The following ARHGAP26 variants were observed in gnomAD, a reference collection of about 807,000 sequenced individuals.
ARHGAP26 encodes the protein rho GTPase-activating protein 26.
Under a neutral mutation model 104.8 loss-of-function variants are expected in ARHGAP26, and 38 were observed. The ratio of observed to expected loss-of-function variants is 0.36; its 90% CI spans 0.28 to 0.48. ARHGAP26 has a LOEUF of 0.48. ARHGAP26 is among the 20% of genes least tolerant of loss of function. ARHGAP26 has a pLI of 0.99. For synonymous variants in ARHGAP26, 341 were observed against 340.0 expected (o/e 1.00, Z -0.03); for missense variants, 704 against 947.9 (o/e 0.74, Z 3.38).
intron 1 of ARHGAP26, among the ~76,000 whole-genome samples, chr5:142,813,095 G>A (rs974801759): frequency 3.3e-5 from 5 of 151,918 alleles, no homozygotes; most frequent in African/African-American, 1.2e-4. Flanking sequence ...CGGCTACCAT[G>A]CCCGGCTAAC....
chr5:143,185,881 A>G (rs1266684358), intron 20 of ARHGAP26, among the ~76,000 whole-genome samples: 1 of 151,958 alleles, frequency 6.6e-6, no homozygotes, highest in African/African-American at 2.4e-5. Context: ...TTGCTTTCCC[A>G]CTTGACCTTG....
intron 17 of ARHGAP26, among the ~76,000 whole-genome samples, chr5:143,102,353 A>G (rs149765477): frequency 1.3e-3 from 194 of 152,244 alleles, no homozygotes; most frequent in African/African-American, 4.5e-3. Context: ...TGCCACCTCC[A>G]TTTCTTTCAG....
intron 8 of ARHGAP26, 199 bp from the exon 9 acceptor site, chr5:142,907,505 C>T (rs528222030): frequency 2.8e-5 from 9 of 317,224 alleles, no homozygotes; most frequent in Non-Finnish European, 4.8e-5. Flanking sequence ...GGGGAAATCC[C>T]GGGGTTGGTT....
intron 11 of ARHGAP26, among the ~76,000 whole-genome samples, chr5:142,980,178 T>C (rs915438770): frequency 3.9e-5 from 6 of 152,166 alleles, no homozygotes; most frequent in Non-Finnish European, 8.8e-5. Context: ...GTGTGGCTCC[T>C]TTTATGCAGT....
intron 8 of ARHGAP26, among the ~76,000 whole-genome samples, 197 bp downstream of exon 8, chr5:142,903,866 T>C (rs928897171): frequency 4.6e-5 from 7 of 152,206 alleles, no homozygotes; most frequent in African/African-American, 1.4e-4. Context: ...TGAATGGGAA[T>C]TCCTTTGGGA....
chr5:143,143,452 G>A (rs944385423), intron 19 of ARHGAP26, among the ~76,000 whole-genome samples: 6 of 151,946 alleles, frequency 3.9e-5, no homozygotes, highest in African/African-American at 1.2e-4. Flanking sequence ...ATTATTCTGC[G>A]GCTTTCCTTT....
At chr5:143,105,567 G>T (rs921114830) in intron 17 of ARHGAP26, among the ~76,000 whole-genome samples, 2 of 152,120 alleles carry the variant, frequency 1.3e-5, no homozygotes, top group Non-Finnish European at 2.9e-5. Flanking sequence ...TGTTTAAGGG[G>T]TATGCATCCG....
At chr5:142,976,946 T>G (rs940989735) in intron 11 of ARHGAP26, among the ~76,000 whole-genome samples, 1 of 152,192 alleles carries the variant, frequency 6.6e-6, no homozygotes, top group Non-Finnish European at 1.5e-5. Context: ...AGTACACCTC[T>G]GTGGTAATAG....
intron 11 of ARHGAP26, 86 bp downstream of exon 11, chr5:142,932,211 T>C: frequency 1.6e-6 from 2 of 1,284,708 alleles, no homozygotes; most frequent in Admixed American, 3.4e-5. Flanking sequence ...TTGCTGCTGT[T>C]CTAAAGCCTT....
intron 1 of ARHGAP26, among the ~76,000 whole-genome samples, chr5:142,806,611 G>A (rs769007260): frequency 1.3e-5 from 2 of 152,010 alleles, no homozygotes; most frequent in African/African-American, 2.4e-5. Flanking sequence ...GCCTTCTTCC[G>A]TATTTTCTTA....
chr5:143,206,665 T>C (rs928546458), intron 20 of ARHGAP26, among the ~76,000 whole-genome samples: 2 of 152,232 alleles, frequency 1.3e-5, no homozygotes, highest in Non-Finnish European at 2.9e-5. Context: ...TATCACCTTC[T>C]TCATGCAGTA....
intron 1 of ARHGAP26, among the ~76,000 whole-genome samples, chr5:142,821,646 C>T (rs1386567247): frequency 2.0e-5 from 3 of 152,156 alleles, no homozygotes; most frequent in African/African-American, 7.2e-5. Context: ...AGAATTGGAA[C>T]TGGCATTTTA....
At chr5:143,073,432 T>A (rs1788546754) in intron 17 of ARHGAP26, among the ~76,000 whole-genome samples, 1 of 152,162 alleles carries the variant, frequency 6.6e-6, no homozygotes, top group Non-Finnish European at 1.5e-5. Context: ...GGTAAAGGAA[T>A]GGGTCAGCCC....
chr5:142,835,847 C>T (rs1295916619), intron 1 of ARHGAP26, among the ~76,000 whole-genome samples: 7 of 152,218 alleles, frequency 4.6e-5, no homozygotes, highest in Non-Finnish European at 1.0e-4. Flanking sequence ...TTACAGTGAT[C>T]TCAATTAGAT....
At chr5:142,887,663 G>A (rs1020313678) in intron 5 of ARHGAP26, among the ~76,000 whole-genome samples, 1 of 152,118 alleles carries the variant, frequency 6.6e-6, no homozygotes, top group African/African-American at 2.4e-5. Flanking sequence ...GATCTTGCAG[G>A]TTCTGGTCTG....
intron 10 of ARHGAP26, among the ~76,000 whole-genome samples, chr5:142,931,793 C>T (rs1214533652): frequency 6.6e-6 from 1 of 152,212 alleles, no homozygotes; most frequent in Non-Finnish European, 1.5e-5. Context: ...AACTCCTCTA[C>T]GTCCCTTACC....
Position 142,903,761 on chromosome 5 carries a change from G to A in ARHGAP26, c.832+92G>A, listed in dbSNP as rs77336616. 3,940 of 1,322,068 alleles carry A rather than the reference G, an allele frequency of 3.0e-3. 118 individuals carry two copies. In the African/African-American group the frequency reaches 0.053, roughly 18 times the overall value. The allele number at this position is 1,322,068 out of a possible 1,614,324, so 81.9% of individuals were successfully genotyped here. A position where few individuals can be genotyped will look rare whatever the true frequency, so the allele number is the denominator to read the frequency against. On this transcript the variant is annotated intron_variant, in intron 8 of 22. Coordinates refer to ENST00000645722, the MANE Select transcript of ARHGAP26 (RefSeq NM_001135608.3). ...ATTCAGCAGTGCCTACCTTACTGTA[G>A]ATACATGCTTGGATAACAAGAACAA...
intron 19 of ARHGAP26, among the ~76,000 whole-genome samples, chr5:143,137,198 A>G (rs886319565): frequency 2.4e-4 from 36 of 152,372 alleles, no homozygotes; most frequent in Admixed American, 6.5e-5. Flanking sequence ...GTGGTCATCC[A>G]TATCCCACCT....
chr5:143,081,902 C>G (rs190740249), intron 17 of ARHGAP26, among the ~76,000 whole-genome samples: 11 of 147,950 alleles, frequency 7.4e-5, no homozygotes, highest in Non-Finnish European at 3.0e-5. Context: ...CCCAGCTACT[C>G]GGGAGGCTGA....
Sources: allele counts gnomAD v4.1 joint callset (sites outside exome capture counted in the v4.1 genomes callset), GRCh38; gene constraint gnomAD v4.1.1; transcripts MANE v1.5; gene names NCBI Gene and HGNC (gene_info 2026-07-23, HGNC 2026-07-21).